Variants in RYR3 observed in about 807,000 individuals in gnomAD.
RYR3 encodes the protein brain ryanodine receptor-calcium release channel.
RYR3 carries 207 observed loss-of-function variants against 584.3 expected under a neutral mutation model. That is an observed-to-expected ratio of 0.35 (90% CI 0.32 to 0.40). RYR3 has a LOEUF of 0.40. Ranked by LOEUF, RYR3 falls within the 10% of genes least tolerant of loss-of-function variation. The probability of loss-of-function intolerance (pLI) is 1.00; values close to 1 mark genes in which losing one functional copy is unlikely to be tolerated. For missense variants in RYR3, 5,616 were observed against 6,089.2 expected, an observed-to-expected ratio of 0.92 and a Z score of 2.59; for synonymous variants, 2,416 against 2,248.5, an observed-to-expected ratio of 1.07 and a Z score of -2.11.
intron 60 of RYR3, among the ~76,000 whole-genome samples, chr15:33,763,892 CAAAAAAAAA>C (rs796878162): frequency 4.4e-5 from 2 of 45,870 alleles, no homozygotes; most frequent in Non-Finnish European, 7.8e-5. Context: ...GACTTCATCT[CAAAAAAAAA>C]AAAAAAAAAA....
intron 1 of RYR3, among the ~76,000 whole-genome samples, chr15:33,375,988 C>T (rs900793304): frequency 2.0e-5 from 3 of 152,118 alleles, no homozygotes; most frequent in African/African-American, 7.2e-5. Context: ...GGCGTGAACC[C>T]GGGAGGCGGA....
At chr15:33,821,636 C>A in intron 80 of RYR3, 34 bp downstream of exon 80, 1 of 1,597,494 alleles carries the variant, frequency 6.3e-7, no homozygotes, top group Non-Finnish European at 8.6e-7. Flanking sequence ...GGCAGGCTCC[C>A]GGGGTATTCC....
At chr15:33,480,000 TA>T (rs1254594781) in intron 2 of RYR3, among the ~76,000 whole-genome samples, 1 of 152,226 alleles carries the variant, frequency 6.6e-6, no homozygotes, top group African/African-American at 2.4e-5. Context: ...AGTAAGTTTC[TA>T]AAGGGATCTA....
In RYR3 at chr15:33,798,852, A is replaced by C. The variant is rs74511836; in HGVS notation, c.9831-1918A>C. ...AGGGCAGTAAGGAATTCAGGAGATA[A>C]GAGAAGGATCCCAAAGTGATCTTGG... On this transcript the variant is annotated intron_variant, in intron 67 of 103. Coordinates refer to ENST00000634891, the MANE Select transcript of RYR3 (RefSeq NM_001036.6). Among the ~76,000 whole-genome samples the C allele has an allele frequency of 6.6e-3, 1,002 of 152,292 alleles. 6 individuals carry two copies. The highest frequency in any genetic ancestry group is 0.011 in the Non-Finnish European group (727 of 68,024).
Position 33,412,745 on chromosome 15 carries a change from G to A in RYR3, c.52-60674G>A, listed in dbSNP as rs192811556. 4.6e-5 allele frequency among the ~76,000 whole-genome samples: 7 copies of A among 152,252 alleles called. No homozygotes were observed. The highest frequency in any genetic ancestry group is 8.8e-5 in the Non-Finnish European group (6 of 68,014). On this transcript the variant is annotated intron_variant, in intron 1 of 103. Transcript: ENST00000634891. The surrounding 1 kb of genome is among the most constrained non-coding windows in gnomAD (Gnocchi z 4.3). Reference sequence around the variant, plus strand: ...TGCTGCATTTTCAGAACTGTCCTCCGGTTTGCCTGTTTCACACCCTCCCAC... The same window carrying A: ...TGCTGCATTTTCAGAACTGTCCTCCAGTTTGCCTGTTTCACACCCTCCCAC...
chr15:33,568,007 G>A (rs1348336019), intron 12 of RYR3, among the ~76,000 whole-genome samples: 2 of 152,190 alleles, frequency 1.3e-5, no homozygotes, highest in Non-Finnish European at 2.9e-5. Context: ...TTTTATTGAA[G>A]CTCCCTAGGT....
intron 1 of RYR3, among the ~76,000 whole-genome samples, chr15:33,346,353 T>C (rs1351421458): frequency 6.6e-6 from 1 of 152,220 alleles, no homozygotes; most frequent in African/African-American, 2.4e-5. Context: ...CTCAGTGGTT[T>C]CAAAGCAGTG....
chr15:33,584,439 A>G lies in RYR3; in HGVS notation c.1618A>G (p.Asn540Asp). The G allele has an allele frequency of 3.1e-6, 5 of 1,608,864 alleles. No homozygotes were observed. Among genetic ancestry groups the G allele is most frequent in the Non-Finnish European group, 4.3e-6 (5 of 1,176,166 alleles). The change falls in exon 15 of 104, where the codon AAT becomes GAT. Residue 540 changes from asparagine to aspartate, a missense_variant. Around this residue, in one of 9 missense-constraint regions of RYR3, gnomAD observed 1,284 missense variants for 1,344.6 expected, o/e 0.95. Transcript: ENST00000634891. Reference sequence around the variant, plus strand: ...CAGAAACAATTGCGCTCAATTCTCCAATAACCTTGATTGGCTCATCAGTAA... The same window carrying G: ...CAGAAACAATTGCGCTCAATTCTCCGATAACCTTGATTGGCTCATCAGTAA... ...GNRNNCAQFSNNLDWLISKLD... is the reference protein window; with the variant it reads ...GNRNNCAQFSDNLDWLISKLD...
intron 1 of RYR3, among the ~76,000 whole-genome samples, chr15:33,316,887 T>C (rs888122793): frequency 3.3e-5 from 5 of 152,236 alleles, no homozygotes; most frequent in African/African-American, 1.2e-4. Context: ...CCCAGAGCTG[T>C]TGGACAGCCT....
intron 25 of RYR3, among the ~76,000 whole-genome samples, 167 bp downstream of exon 25, chr15:33,634,900 T>C (rs1019265091): frequency 6.6e-6 from 1 of 152,208 alleles, no homozygotes; most frequent in Non-Finnish European, 1.5e-5. Flanking sequence ...GGGGAGACCA[T>C]GTTTGATATA....
chr15:33,561,880 C>G (rs188098684), intron 10 of RYR3, among the ~76,000 whole-genome samples: 2 of 148,474 alleles, frequency 1.3e-5, no homozygotes, highest in East Asian at 4.0e-4. Flanking sequence ...GCCTGGGTGA[C>G]AGAGTGAGAC....
In RYR3 at chr15:33,657,644, A is replaced by G. The variant is rs76044553; in HGVS notation, c.4309-2076A>G. The stretch of plus-strand genomic sequence containing the variant: ...ACAAAGCAAGTATATAATAGGTACT[A>G]CATCATTATCTGTTGAAAGTCATTT... On this transcript the variant is annotated intron_variant, in intron 32 of 103. Coordinates refer to ENST00000634891, the MANE Select transcript of RYR3 (RefSeq NM_001036.6). Among the ~76,000 whole-genome samples, 1,050 of 152,334 alleles carry G rather than the reference A, an allele frequency of 6.9e-3. 10 individuals are homozygous for G. The highest frequency in any genetic ancestry group is 0.024 in the African/African-American group (1,010 of 41,568).
At chr15:33,499,857 A>G (rs1280693699) in intron 2 of RYR3, among the ~76,000 whole-genome samples, 1 of 152,188 alleles carries the variant, frequency 6.6e-6, no homozygotes, top group East Asian at 1.9e-4. Context: ...AGCCATTGAC[A>G]CACCTACAAG....
chr15:33,807,556 C>T lies in RYR3; in HGVS notation c.10013C>T (p.Ala3338Val). 1 of 1,551,854 alleles carries T rather than the reference C, an allele frequency of 6.4e-7. No homozygotes were observed. The highest frequency in any genetic ancestry group is 1.4e-5 in the African/African-American group (1 of 73,164). The part of the protein sequence containing the change: ...TGDSKSKMSK[A>V]MQVKSGGQDQ... Reference sequence around the variant, plus strand: ...CTTTTCTTTTGTCTTTCCACACAGGCCATGCAAGTAAAGGTACAGGTCAAA... The same window carrying T: ...CTTTTCTTTTGTCTTTCCACACAGGTCATGCAAGTAAAGGTACAGGTCAAA... Residue 3338 changes from alanine to valine, a missense_variant and splice_region_variant, in exon 70 of 104, where the codon GCC (alanine) becomes GTC (valine). By Grantham distance (64) the Ala-to-Val change is moderately conservative (BLOSUM62 0). Coordinates refer to ENST00000634891, the MANE Select transcript of RYR3 (RefSeq NM_001036.6).
chr15:33,659,255 G>A (rs1485030169), intron 32 of RYR3, among the ~76,000 whole-genome samples: 1 of 152,186 alleles, frequency 6.6e-6, no homozygotes, highest in East Asian at 1.9e-4. Context: ...GGGCTTGCTT[G>A]ACTAATGTTG....
intron 43 of RYR3, among the ~76,000 whole-genome samples, chr15:33,717,331 G>T (rs1329081862): frequency 6.6e-6 from 1 of 152,150 alleles, no homozygotes; most frequent in Non-Finnish European, 1.5e-5. Context: ...AGCTGAGTAT[G>T]TAATTACCAC....
chr15:33,672,793 A>T (rs1166856549), intron 38 of RYR3, among the ~76,000 whole-genome samples: 1 of 152,016 alleles, frequency 6.6e-6, no homozygotes, highest in Non-Finnish European at 1.5e-5. Flanking sequence ...AACGTTATAC[A>T]ATGAATTGGC....
intron 78 of RYR3, 94 bp from the exon 79 acceptor site, chr15:33,821,174 TTA>T: frequency 1.1e-6 from 1 of 909,304 alleles, no homozygotes; most frequent in Non-Finnish European, 1.7e-6. Context: ...GTTACCTTCC[TTA>T]GGTAACTGGA....
chr15:33,772,170 T>G lies in RYR3; in HGVS notation c.9055+12T>G. 6.4e-7 allele frequency: 1 copy of G among 1,568,654 alleles called. No homozygotes were observed. The highest frequency in any genetic ancestry group is 1.3e-5 in the African/African-American group (1 of 74,126). ...AATGGATCTACTCTGTGAGTTCTAC[T>G]GGTATTTGTCGTGGATGTATGTGCA... On this transcript the variant is annotated intron_variant, in intron 63 of 103. Coordinates refer to ENST00000634891, the MANE Select transcript of RYR3 (RefSeq NM_001036.6).
Sources: allele counts gnomAD v4.1 joint callset (sites outside exome capture counted in the v4.1 genomes callset), GRCh38; gene constraint gnomAD v4.1.1; regional missense constraint gnomAD v4.1.1; non-coding constraint Gnocchi (gnomAD v3.1); transcripts MANE v1.5; gene names NCBI Gene and HGNC (gene_info 2026-07-23, HGNC 2026-07-21).